ZNF286A: variants seen among roughly 807,000 people sequenced by gnomAD.
ZNF286A encodes the protein zinc finger protein 286A, also known as zinc finger protein ZNF286.
Under a neutral mutation model 49.3 loss-of-function variants are expected in ZNF286A, and 34 were observed. That is an observed-to-expected ratio of 0.69 (90% CI 0.52 to 0.92). The LOEUF is 0.92. Ranked by LOEUF, ZNF286A falls within the 40% of genes least tolerant of loss-of-function variation. The pLI is 0.00. For synonymous variants in ZNF286A, 155 were observed against 200.4 expected (o/e 0.77, Z 1.91); for missense variants, 462 against 600.2 (o/e 0.77, Z 2.41).
At chr17:15,708,331 T>C (rs1277827441) in intron 5 of ZNF286A, 84 bp downstream of exon 5, 1 of 1,057,758 alleles carries the variant, frequency 9.5e-7, no homozygotes, top group Non-Finnish European at 1.3e-6. Flanking sequence ...AGAAAGTGCC[T>C]GTGTGCCCTT....
At chr17:15,715,019 TC>T (rs1966955336) in intron 5 of ZNF286A, among the ~76,000 whole-genome samples, 1 of 152,066 alleles carries the variant, frequency 6.6e-6, no homozygotes, top group Admixed American at 6.5e-5. Context: ...TCTATTTTAC[TC>T]CTGTTTATTT....
chr17:15,706,117 C>T lies in ZNF286A; in HGVS notation c.127-270C>T, dbSNP rs766452928. Among the ~76,000 whole-genome samples the T allele has an allele frequency of 4.5e-4, 69 of 152,054 alleles. 3 individuals carry two copies. Among genetic ancestry groups the T allele is most frequent in the Admixed American group, 1.3e-4 (2 of 15,272 alleles). On this transcript the variant is annotated intron_variant, in intron 3 of 5. Transcript: ENST00000583566. ...TGGTTCATATTTTAATACTTTATTC[C>T]CCAGAAAAATTGTAGTCTCTCAATG... is the stretch of plus-strand genomic sequence containing the variant.
At chr17:15,704,978 A>G (rs1424537536) in intron 3 of ZNF286A, 9 of 1,127,164 alleles carry the variant, frequency 8.0e-6, no homozygotes, top group Admixed American at 3.1e-5. Context: ...CGGGGGCCCA[A>G]CTGCTGCCGC....
intron 1 of ZNF286A, 36 bp downstream of exon 1, chr17:15,699,813 C>A (rs1253780046): frequency 7.1e-6 from 5 of 702,726 alleles, no homozygotes; most frequent in Non-Finnish European, 1.0e-5. Context: ...CGTCTCGGCT[C>A]GGCCTCGGCG....
At chr17:15,705,465 A>G (rs163376) in intron 3 of ZNF286A, among the ~76,000 whole-genome samples, 104,804 of 152,112 alleles carry the variant, frequency 0.69, 37,886 homozygotes, top group African/African-American at 0.9. Context: ...TTAAAGCTAC[A>G]AAATTTCCTC....
At chr17:15,700,698 T>C (rs1989706369) in intron 2 of ZNF286A, 2 of 487,192 alleles carry the variant, frequency 4.1e-6, no homozygotes, top group East Asian at 8.7e-5. Flanking sequence ...ACTTCCATTC[T>C]ACCTGACCAG....
At position 15,720,346 on chromosome 17, in the gene ZNF286A, T is replaced by C. The variant is rs1247647731; in HGVS notation, c.*3056T>C. On this transcript the variant is annotated 3_prime_UTR_variant, in exon 6 of 6. Transcript: ENST00000583566. ...TAGAAGTTACTTAAGGTTGGCTGTG[T>C]CTTCCACATCTTTTGTTTACCCATG... 6.6e-6 allele frequency: 1 copy of C among 151,334 alleles called. No homozygotes were observed. Among genetic ancestry groups the C allele is most frequent in the Non-Finnish European group, 1.5e-5 (1 of 67,930 alleles). 9.4% of individuals were successfully genotyped at this position (151,334 alleles called of 1,614,324 possible).
intron 3 of ZNF286A, chr17:15,704,547 G>A (rs1307154879): frequency 6.2e-7 from 1 of 1,613,994 alleles, no homozygotes; most frequent in Non-Finnish European, 8.5e-7. Context: ...GGATCAGCAG[G>A]CACCTGATGG....
rs917055526 is a variant in ZNF286A, at chr17:15,708,067, C to A, written c.242-88C>A. 29 of 820,286 alleles carry A rather than the reference C, an allele frequency of 3.5e-5. No homozygotes were observed. In the African/African-American group the frequency reaches 4.3e-4, roughly 12 times the overall value. 50.8% of individuals were successfully genotyped at this position (820,286 alleles called of 1,614,324 possible). ...TTGGAATTCACTAAGGAATATGTAA[C>A]AATTCAACTGGCTTGAAGAAAACTT... On this transcript the variant is annotated intron_variant, in intron 4 of 5. Transcript: ENST00000583566.
intron 5 of ZNF286A, among the ~76,000 whole-genome samples, chr17:15,711,806 C>G (rs1034887236): frequency 1.3e-5 from 2 of 148,990 alleles, no homozygotes; most frequent in Admixed American, 1.3e-4. Flanking sequence ...TTGTTCAGTA[C>G]GCTTCCAGTT....
chr17:15,706,330 G>A, intron 3 of ZNF286A, 57 bp from the exon 4 acceptor site: 4 of 1,441,538 alleles, frequency 2.8e-6, no homozygotes, highest in Non-Finnish European at 3.9e-6. Flanking sequence ...CAGAAACTGG[G>A]GGATGAAAGA....
chr17:15,704,594 A>G (rs1405729968), intron 3 of ZNF286A: 1 of 1,613,958 alleles, frequency 6.2e-7, no homozygotes, highest in Non-Finnish European at 8.5e-7. Context: ...TCAGCCGTCC[A>G]GTCCCTCTTG....
At chr17:15,710,729 C>G (rs1329777082) in intron 5 of ZNF286A, among the ~76,000 whole-genome samples, 2 of 151,956 alleles carry the variant, frequency 1.3e-5, no homozygotes, top group Admixed American at 6.5e-5. Context: ...TCTGTTTCAC[C>G]CCAGAGACCT....
chr17:15,709,889 A>G, intron 5 of ZNF286A: 2 of 1,542,874 alleles, frequency 1.3e-6, no homozygotes, highest in Non-Finnish European at 1.7e-6. Context: ...TAACTGGAAG[A>G]AGAATTAGTA....
Position 15,710,494 on chromosome 17 carries a change from G to A in ZNF286A, c.334+2247G>A, listed in dbSNP as rs567926893. Among the ~76,000 whole-genome samples, 300 of 152,254 alleles carry A rather than the reference G, an allele frequency of 2.0e-3. 1 individual carries two copies. The highest frequency in any genetic ancestry group is 3.5e-3 in the Non-Finnish European group (237 of 68,012). On this transcript the variant is annotated intron_variant, in intron 5 of 5. Coordinates refer to ENST00000583566, the MANE Select transcript of ZNF286A (RefSeq NM_001130842.2). Reference sequence around the variant, plus strand: ...TGGAATAATCTTATGTTACTGATTTGTAATGCTACCTGTGGTAAACCCAGT... The same window carrying A: ...TGGAATAATCTTATGTTACTGATTTATAATGCTACCTGTGGTAAACCCAGT...
intron 3 of ZNF286A, among the ~76,000 whole-genome samples, chr17:15,702,533 TGAG>T (rs1361915782): frequency 6.0e-5 from 9 of 150,306 alleles, no homozygotes; most frequent in Non-Finnish European, 1.2e-4. Context: ...AAAAAGAAGT[TGAG>T]GAGGAAAAAA....
intron 5 of ZNF286A, among the ~76,000 whole-genome samples, chr17:15,713,269 G>A (rs1184144646): frequency 6.6e-6 from 1 of 152,104 alleles, no homozygotes; most frequent in African/African-American, 2.4e-5. Context: ...TGTCGTGTTA[G>A]CACAGTATAT....
chr17:15,703,793 C>T (rs1989971828), intron 3 of ZNF286A, among the ~76,000 whole-genome samples: 2 of 152,080 alleles, frequency 1.3e-5, no homozygotes, highest in Admixed American at 6.6e-5. Flanking sequence ...CTTTTATTGC[C>T]ATGTGATTTT....
intron 5 of ZNF286A, among the ~76,000 whole-genome samples, chr17:15,710,562 TTGTC>T (rs1377976159): frequency 1.3e-5 from 2 of 152,232 alleles, no homozygotes; most frequent in Admixed American, 6.5e-5. Context: ...TCTGGTTTAC[TTGTC>T]TGTCTATGTC....
Sources: gnomAD v4.1 joint callset for allele counts (sites outside exome capture counted in the v4.1 genomes callset) on GRCh38, gnomAD v4.1.1 for gene constraint, MANE v1.5 for transcripts, NCBI Gene and HGNC (gene_info 2026-07-23, HGNC 2026-07-21) for gene names.